The following DOCK9 variants were observed in gnomAD, a reference collection of about 807,000 sequenced individuals.
The protein encoded by DOCK9 is dedicator of cytokinesis 9, also known as dedicator of cytokinesis protein 9.
A neutral mutation model predicts 263.3 loss-of-function variants in DOCK9; 89 were observed. The ratio of observed to expected loss-of-function variants is 0.34; its 90% CI spans 0.28 to 0.40. The LOEUF is 0.40. Ranked by LOEUF, DOCK9 falls within the 10% of genes least tolerant of loss-of-function variation. The probability of loss-of-function intolerance (pLI) is 1.00; values close to 1 mark genes in which losing one functional copy is unlikely to be tolerated. For missense variants in DOCK9, 2,140 were observed against 2,603.4 expected (o/e 0.82, Z 3.87); for synonymous variants, 976 against 973.1 (o/e 1.00, Z -0.06).
At chr13:99,066,287 T>C (rs941776120) in intron 1 of DOCK9, among the ~76,000 whole-genome samples, 18 of 152,310 alleles carry the variant, frequency 1.2e-4, no homozygotes, top group African/African-American at 3.1e-4. Flanking sequence ...CAGCATCTTT[T>C]ACAATCACTA....
At chr13:99,048,488 G>A (rs1173065032) in intron 1 of DOCK9, among the ~76,000 whole-genome samples, 1 of 152,138 alleles carries the variant, frequency 6.6e-6, no homozygotes, top group Middle Eastern at 3.2e-3. Flanking sequence ...TACAATAATA[G>A]GGCTTATCAC....
chr13:99,001,910 G>C (rs1882409939), intron 1 of DOCK9, among the ~76,000 whole-genome samples: 1 of 152,176 alleles, frequency 6.6e-6, no homozygotes, highest in Non-Finnish European at 1.5e-5. Flanking sequence ...AGCTGGATCT[G>C]TCCTTGACCT....
chr13:98,831,633 C>T lies in DOCK9; in HGVS notation c.4452+16G>A. On this transcript the variant is annotated intron_variant, in intron 40 of 52. Coordinates refer to ENST00000682017, the MANE Select transcript of DOCK9 (RefSeq NM_001366683.2). ...AAGAAGGAAAACATCTAACCACTGC[C>T]CATGAAGCAACTTACCTTATAAATT... 6.2e-7 allele frequency: 1 copy of T among 1,610,906 alleles called. No individual in the cohort carries two copies. The highest frequency in any genetic ancestry group is 1.3e-5 in the African/African-American group (1 of 74,874).
At chr13:99,007,408 T>G (rs1485839945) in intron 1 of DOCK9, among the ~76,000 whole-genome samples, 5 of 143,632 alleles carry the variant, frequency 3.5e-5, no homozygotes, top group African/African-American at 4.9e-5. Flanking sequence ...AAATAAAAAT[T>G]TAATTTAATT....
intron 9 of DOCK9, among the ~76,000 whole-genome samples, chr13:98,913,157 T>C (rs943933521): frequency 2.6e-5 from 4 of 152,298 alleles, no homozygotes; most frequent in East Asian, 3.8e-4. Context: ...AGAACAGCCA[T>C]GTTGTCTTAA....
At chr13:99,080,933 T>C (rs1054630414) in intron 1 of DOCK9, among the ~76,000 whole-genome samples, 1 of 152,228 alleles carries the variant, frequency 6.6e-6, no homozygotes, top group Non-Finnish European at 1.5e-5. Flanking sequence ...TCAGTAAATG[T>C]GGACAGTGAT....
chr13:98,860,067 C>T (rs1442077526), intron 33 of DOCK9: 19 of 562,688 alleles, frequency 3.4e-5, no homozygotes, highest in Admixed American at 4.8e-5. Flanking sequence ...AATCAGTGTT[C>T]CCCTCCCCCC....
At chr13:98,804,818 C>A (rs2296982) in intron 49 of DOCK9, among the ~76,000 whole-genome samples, 181 bp downstream of exon 49, 59,433 of 152,106 alleles carry the variant, frequency 0.39, 12,492 homozygotes, top group East Asian at 0.62. Context: ...GTCAACAGAT[C>A]AACAGAAAAA....
chr13:99,087,638 G>T (rs1015332209), upstream of DOCK9, among the ~76,000 whole-genome samples: 1 of 152,192 alleles, frequency 6.6e-6, no homozygotes, highest in African/African-American at 2.4e-5. Context: ...GTCTCTCTGA[G>T]GAAGCCCGGC....
At position 98,977,912 on chromosome 13, in the gene DOCK9, T is replaced by C; in HGVS notation, c.-3A>G. On this transcript the variant is annotated 5_prime_UTR_variant, in exon 1 of 53. Transcript: ENST00000682017. ...GTCCTGCATTTATCAGCCTGCATTC[T>C]CGGCTGAAAACGCAAGTCAGAAAGT... The C allele has an allele frequency of 6.3e-7, 1 of 1,580,996 alleles. No homozygotes were observed. The highest frequency in any genetic ancestry group is 8.6e-7 in the Non-Finnish European group (1 of 1,162,302).
chr13:98,974,012 C>G (rs1035109621), intron 1 of DOCK9, among the ~76,000 whole-genome samples: 1 of 152,136 alleles, frequency 6.6e-6, no homozygotes, highest in African/African-American at 2.4e-5. Flanking sequence ...CAGTCCCTAC[C>G]AGCCTCACAA....
At chr13:98,915,300 T>C (rs551285689) in intron 8 of DOCK9, 29 bp downstream of exon 8, 1 of 1,606,262 alleles carries the variant, frequency 6.2e-7, no homozygotes, top group Non-Finnish European at 8.5e-7. Flanking sequence ...AGAGTGTGTA[T>C]GTGCCTGGGG....
In DOCK9 at chr13:98,898,192, C is replaced by A; in HGVS notation, c.1573G>T (p.Ala525Ser). The change falls in exon 14 of 53, where the codon GCT (alanine) becomes TCT (serine). Residue 525 changes from alanine to serine, a missense_variant. Transcript: ENST00000682017. ...GGTGTTCCTTACCTTGCTGCCCAAG[C>A]AAATGGCATTCTATACTGTCCTAGT... Reference protein sequence around the residue: ...QRLGQYRMPFAWAARTLFKDA... With the variant: ...QRLGQYRMPFSWAARTLFKDA... The A allele has an allele frequency of 6.2e-7, 1 of 1,611,262 alleles. No homozygotes were observed. The highest frequency in any genetic ancestry group is 8.5e-7 in the Non-Finnish European group (1 of 1,178,656).
At chr13:98,931,549 C>T (rs572410400) in intron 2 of DOCK9, among the ~76,000 whole-genome samples, 5 of 152,150 alleles carry the variant, frequency 3.3e-5, no homozygotes, top group South Asian at 4.2e-4. Flanking sequence ...CTGCCCACCT[C>T]GGCCTCCCAA....
intron 17 of DOCK9, 41 bp from the exon 18 acceptor site, chr13:98,888,264 AAGTC>A (rs1452152982): frequency 5.0e-6 from 8 of 1,603,832 alleles, no homozygotes; most frequent in Non-Finnish European, 6.0e-6. Flanking sequence ...AAACAACAGA[AAGTC>A]AGACTATGTA....
chr13:98,963,855 A>G (rs2058925619), intron 1 of DOCK9, among the ~76,000 whole-genome samples: 1 of 152,226 alleles, frequency 6.6e-6, no homozygotes, highest in African/African-American at 2.4e-5. Context: ...CGTGCTCACA[A>G]GTGTGGGACA....
At chr13:98,901,254 C>A (rs1490917806) in intron 13 of DOCK9, among the ~76,000 whole-genome samples, 1 of 152,178 alleles carries the variant, frequency 6.6e-6, no homozygotes, top group African/African-American at 2.4e-5. Context: ...ATGAACACTA[C>A]TTTGAAAAAA....
At chr13:98,889,580 C>T (rs937814271) in intron 15 of DOCK9, among the ~76,000 whole-genome samples, 3 of 152,142 alleles carry the variant, frequency 2.0e-5, no homozygotes, top group African/African-American at 4.8e-5. Flanking sequence ...ACTGCCTCAC[C>T]CTTCCTAGTG....
In DOCK9 at chr13:98,888,401, G is replaced by C. The variant is rs1463011885; in HGVS notation, c.1936C>G (p.Pro646Ala). 2 of 1,613,970 alleles carry C rather than the reference G, an allele frequency of 1.2e-6. No individual in the cohort carries two copies. The highest frequency in any genetic ancestry group is 2.2e-5 in the East Asian group (1 of 44,870). Reference protein sequence around the residue: ...TIYTNHLYVYPKYLKYDSQKS... With the variant: ...TIYTNHLYVYAKYLKYDSQKS... ...TGACTGTCGTATTTCAAGTACTTAG[G>C]ATAAACGTAAAGGTGATTGGTGTAG... The change falls in exon 17 of 53, where the codon CCT becomes GCT. Residue 646 changes from proline to alanine, a missense_variant. Pro to Ala is a conservative substitution (Grantham distance 27, BLOSUM62 -1). Coordinates refer to ENST00000682017, the MANE Select transcript of DOCK9 (RefSeq NM_001366683.2).
Sources: gnomAD v4.1 joint callset for allele counts (sites outside exome capture counted in the v4.1 genomes callset) on GRCh38, gnomAD v4.1.1 for gene constraint, MANE v1.5 for transcripts, NCBI Gene and HGNC (gene_info 2026-07-23, HGNC 2026-07-21) for gene names.